MALRD1: variants seen among roughly 807,000 people sequenced by gnomAD.
MALRD1 encodes MAM and LDL receptor class A domain containing 1.
In MALRD1, 247 loss-of-function variants were observed where a neutral mutation model predicts 242.1. That is an observed-to-expected ratio of 1.02 (90% CI 0.92 to 1.13). MALRD1 has a LOEUF of 1.13. Ranked by LOEUF, MALRD1 falls within the 50% of genes most tolerant of loss-of-function variation. The probability of loss-of-function intolerance (pLI) is 0.00; values close to 1 mark genes in which losing one functional copy is unlikely to be tolerated. For missense variants in MALRD1, 2,989 were observed against 2,533.1 expected (o/e 1.18, Z -3.86); for synonymous variants, 995 against 866.6 (o/e 1.15, Z -2.60).
At chr10:19,693,630 T>A (rs1175648629) in intron 38 of MALRD1, among the ~76,000 whole-genome samples, 7 of 152,060 alleles carry the variant, frequency 4.6e-5, no homozygotes, top group Non-Finnish European at 1.0e-4. Context: ...AAATCAATAT[T>A]GTGAAAATGG....
chr10:19,099,585 T>TTA lies in MALRD1; in HGVS notation c.598-4390_598-4389dup, dbSNP rs1306680226. Among the ~76,000 whole-genome samples the TTA allele has an allele frequency of 6.7e-3, 1,007 of 151,418 alleles. 8 individuals are homozygous for TTA. Among genetic ancestry groups the TTA allele is most frequent in the African/African-American group, 0.022 (902 of 41,348 alleles). ...ACTTTTATTTTGCTGCTTTGCTCCT[T>TTA]TATATGTATATATATTATTCTCCAA... is the stretch of plus-strand genomic sequence containing the variant. On this transcript the variant is annotated intron_variant, in intron 4 of 39. Transcript: ENST00000454679.
At chr10:19,157,145 T>C (rs10827002) in intron 12 of MALRD1, among the ~76,000 whole-genome samples, 6,232 of 152,232 alleles carry the variant, frequency 0.041, 366 homozygotes, top group East Asian at 0.26. Flanking sequence ...AGGAGTAGAC[T>C]GTAGGAGAAT....
chr10:19,703,470 C>T (rs192661386), intron 38 of MALRD1, among the ~76,000 whole-genome samples: 16 of 152,302 alleles, frequency 1.1e-4, no homozygotes, highest in Admixed American at 1.0e-3. Context: ...CATCTATCCT[C>T]ATGGCTTAAA....
At chr10:19,210,465 A>G (rs986121871) in intron 18 of MALRD1, among the ~76,000 whole-genome samples, 5 of 152,178 alleles carry the variant, frequency 3.3e-5, no homozygotes, top group Admixed American at 6.5e-5. Context: ...ACTTTCCAGC[A>G]TATCATAGAG....
intron 18 of MALRD1, among the ~76,000 whole-genome samples, chr10:19,240,974 G>T (rs1307673347): frequency 4.6e-5 from 7 of 151,938 alleles, no homozygotes; most frequent in Admixed American, 2.6e-4. Context: ...CTTGTATCTT[G>T]TTGAGAATTT....
intron 19 of MALRD1, among the ~76,000 whole-genome samples, chr10:19,261,161 T>A (rs1839729568): frequency 6.6e-6 from 1 of 152,122 alleles, no homozygotes; most frequent in Admixed American, 6.5e-5. Context: ...GCTAAATCCA[T>A]TCCATGGCTC....
intron 30 of MALRD1, among the ~76,000 whole-genome samples, chr10:19,498,236 T>A (rs1188280716): frequency 1.3e-5 from 2 of 152,236 alleles, no homozygotes; most frequent in Non-Finnish European, 2.9e-5. Flanking sequence ...AGACACAGTT[T>A]TAACTATCAT....
At chr10:19,482,494 G>C (rs928037086) in intron 29 of MALRD1, among the ~76,000 whole-genome samples, 1 of 151,860 alleles carries the variant, frequency 6.6e-6, no homozygotes, top group African/African-American at 2.4e-5. Context: ...ATCTCTCTTC[G>C]CTTATGATAG....
rs1298422190 is a variant in MALRD1, at chr10:19,433,267, T to C, written c.4846-17040T>C. Among the ~76,000 whole-genome samples the C allele has an allele frequency of 7.2e-5, 11 of 151,972 alleles. No homozygotes were observed. The East Asian group carries it at 2.1e-3, about 29-fold the overall frequency. ...TTGAGGGGGTCAGTGAAGGCTCCCA[T>C]GAGGACGTGATTCCGCTGAAATGTG... On this transcript the variant is annotated intron_variant, in intron 28 of 39. Transcript: ENST00000454679.
chr10:19,573,290 A>G (rs541419727), intron 33 of MALRD1, among the ~76,000 whole-genome samples: 1 of 152,214 alleles, frequency 6.6e-6, no homozygotes, highest in South Asian at 2.1e-4. Flanking sequence ...GCCCTCTCCT[A>G]GGAGGGACTC....
rs35080418 is a variant in MALRD1, at chr10:19,266,148, G to GTT, written c.3079+8386_3079+8387dup. Among the ~76,000 whole-genome samples the GTT allele has an allele frequency of 1.5e-3, 215 of 148,248 alleles. 2 individuals carry two copies. The highest frequency in any genetic ancestry group is 2.8e-3 in the East Asian group (14 of 5,046). On this transcript the variant is annotated intron_variant, in intron 19 of 39. Coordinates refer to ENST00000454679, the MANE Select transcript of MALRD1 (RefSeq NM_001142308.3). ...TGTATGCAGCACATTATTGGATATT[G>GTT]TTTTTTTTTTATCTGTTAAGACATT...
chr10:19,428,374 C>T (rs769203624), intron 28 of MALRD1, among the ~76,000 whole-genome samples: 1 of 152,084 alleles, frequency 6.6e-6, no homozygotes, highest in South Asian at 2.1e-4. Context: ...TTGTTCTGAT[C>T]TGATTCTGAA....
chr10:19,122,995 C>T (rs1401395807), intron 5 of MALRD1, among the ~76,000 whole-genome samples: 3 of 152,186 alleles, frequency 2.0e-5, no homozygotes, highest in African/African-American at 4.8e-5. Context: ...CAAAGGCCAG[C>T]CCATGCCTGG....
chr10:19,239,235 T>A (rs1838648307), intron 18 of MALRD1, among the ~76,000 whole-genome samples: 1 of 152,074 alleles, frequency 6.6e-6, no homozygotes, highest in South Asian at 2.1e-4. Context: ...AATTTTTGTA[T>A]TTTTAGTAGA....
intron 21 of MALRD1, among the ~76,000 whole-genome samples, chr10:19,284,100 G>A (rs918746901): frequency 1.3e-5 from 2 of 152,118 alleles, no homozygotes; most frequent in Non-Finnish European, 2.9e-5. Context: ...GCATGGCTGG[G>A]GTGGGATAAG....
intron 38 of MALRD1, among the ~76,000 whole-genome samples, chr10:19,724,650 T>C (rs548676101): frequency 1.3e-5 from 2 of 152,364 alleles, no homozygotes; most frequent in South Asian, 4.1e-4. Flanking sequence ...ACACTAGCTT[T>C]AAATTGTTTA....
chr10:19,203,599 A>C, intron 14 of MALRD1, 129 bp from the exon 15 acceptor site: 2 of 852,032 alleles, frequency 2.3e-6, no homozygotes, highest in South Asian at 6.7e-5. Flanking sequence ...TATTTTCTGA[A>C]ATGTGTCCCT....
At chr10:19,577,643 A>T (rs1406315218) in intron 33 of MALRD1, among the ~76,000 whole-genome samples, 1 of 152,176 alleles carries the variant, frequency 6.6e-6, no homozygotes, top group East Asian at 1.9e-4. Flanking sequence ...GAACTCAAAG[A>T]TAAAACACAA....
intron 19 of MALRD1, among the ~76,000 whole-genome samples, chr10:19,266,543 TTTTATA>T (rs1247376522): frequency 1.3e-5 from 2 of 151,808 alleles, no homozygotes; most frequent in Non-Finnish European, 2.9e-5. Flanking sequence ...ATTTACATCT[TTTTATA>T]TTTATAATAT....
Sources: allele counts gnomAD v4.1 joint callset (sites outside exome capture counted in the v4.1 genomes callset), GRCh38; gene constraint gnomAD v4.1.1; transcripts MANE v1.5; gene names NCBI Gene and HGNC (gene_info 2026-07-23, HGNC 2026-07-21).